Variants in MRPL48 observed in about 807,000 individuals in gnomAD.
The protein encoded by MRPL48 is large ribosomal subunit protein mL48.
Under a neutral mutation model 32.9 loss-of-function variants are expected in MRPL48, and 16 were observed. That is an observed-to-expected ratio of 0.49 (90% CI 0.33 to 0.74). The LOEUF is 0.74. Ranked by LOEUF, MRPL48 falls within the 30% of genes least tolerant of loss-of-function variation. MRPL48 has a pLI of 0.02. For missense variants in MRPL48, 206 were observed against 245.3 expected, an observed-to-expected ratio of 0.84 and a Z score of 1.07; for synonymous variants, 94 against 89.2, an observed-to-expected ratio of 1.05 and a Z score of -0.31.
At chr11:73,800,273 A>G (rs1045953125) in intron 1 of MRPL48, among the ~76,000 whole-genome samples, 7 of 152,166 alleles carry the variant, frequency 4.6e-5, no homozygotes, top group African/African-American at 7.2e-5. Context: ...GACAAATAGT[A>G]TGCGTAAAGT....
chr11:73,798,243 A>G (rs1266572885), intron 1 of MRPL48, among the ~76,000 whole-genome samples: 4 of 152,042 alleles, frequency 2.6e-5, no homozygotes, highest in African/African-American at 9.7e-5. Context: ...GTGCCTGGCT[A>G]ATTTTTGTAT....
At chr11:73,800,216 T>C (rs936111741) in intron 1 of MRPL48, among the ~76,000 whole-genome samples, 1 of 151,366 alleles carries the variant, frequency 6.6e-6, no homozygotes, top group Non-Finnish European at 1.5e-5. Context: ...CGAGACAGCA[T>C]GGGCAATATA....
chr11:73,825,908 C>A, intron 4 of MRPL48, 112 bp downstream of exon 4: 1 of 896,028 alleles, frequency 1.1e-6, no homozygotes, highest in Non-Finnish European at 1.6e-6. Context: ...GATAAAGTTG[C>A]CTCTCAATCC....
intron 2 of MRPL48, 21 bp from the exon 3 acceptor site, chr11:73,808,292 A>G (rs368594846): frequency 6.3e-6 from 10 of 1,595,224 alleles, no homozygotes; most frequent in Non-Finnish European, 8.6e-6. Context: ...TGTATTGAAC[A>G]TACTTTCTCC....
rs758120952 is a variant in MRPL48, at chr11:73,844,809, CAAG to C, written c.214_216del (p.Lys72del). The C allele has an allele frequency of 1.1e-5, 18 of 1,611,030 alleles. No homozygotes were observed. In the South Asian group the frequency reaches 1.2e-4, roughly 11 times the overall value. ...TTCTCTCTTTGTTTTCTCTTCAGCC[CAAG>C]AAGAAGAAGGGAAAAGTGGAAGTGA... On this transcript the variant is annotated inframe_deletion, in exon 5 of 8. Transcript: ENST00000310614.
In MRPL48 at chr11:73,864,715, G is replaced by C. The variant is rs956087276; in HGVS notation, c.*345G>C. 7 of 259,250 alleles carry C rather than the reference G, an allele frequency of 2.7e-5. 1 individual carries two copies. Among genetic ancestry groups the C allele is most frequent in the African/African-American group, 1.3e-4 (6 of 46,160 alleles). 16.1% of individuals were successfully genotyped at this position (259,250 alleles called of 1,614,324 possible). On this transcript the variant is annotated 3_prime_UTR_variant, in exon 8 of 8. Coordinates refer to ENST00000310614, the MANE Select transcript of MRPL48 (RefSeq NM_016055.6). ...TGCATCCCTGTAATCCCAGCACTTTGCGAGGCCGAGGCAGGAGGACTGCTC... is the reference window on the plus strand; with the variant it reads ...TGCATCCCTGTAATCCCAGCACTTTCCGAGGCCGAGGCAGGAGGACTGCTC...
intron 6 of MRPL48, among the ~76,000 whole-genome samples, chr11:73,861,358 G>GTT (rs139908562): frequency 3.3e-5 from 5 of 150,602 alleles, no homozygotes; most frequent in African/African-American, 1.2e-4. Flanking sequence ...GAGCTAGTTT[G>GTT]TTTTTTTTTG....
chr11:73,803,386 C>T (rs1458772891), intron 1 of MRPL48, among the ~76,000 whole-genome samples: 1 of 152,110 alleles, frequency 6.6e-6, no homozygotes, highest in Non-Finnish European at 1.5e-5. Flanking sequence ...CTGCCTCAGC[C>T]TCCTCAAGTA....
intron 6 of MRPL48, 80 bp downstream of exon 6, chr11:73,860,089 C>A: frequency 8.3e-7 from 1 of 1,205,602 alleles, no homozygotes; most frequent in South Asian, 1.4e-5. Flanking sequence ...TTCTATTATG[C>A]TCTTTTCTTT....
chr11:73,859,986 A>G lies in MRPL48; in HGVS notation c.451A>G (p.Thr151Ala). 1.2e-6 allele frequency: 2 copies of G among 1,613,754 alleles called. No homozygotes were observed. Among genetic ancestry groups the G allele is most frequent in the Non-Finnish European group, 1.7e-6 (2 of 1,179,804 alleles). ...CAAAATGCTCCTGGACTCAGTGCTT[A>G]CCACCCATGAGCGAGTGGTTCAGGT... ...GSKMLLDSVLTTHERVVQISG... is the reference protein window; with the variant it reads ...GSKMLLDSVLATHERVVQISG... The change falls in exon 6 of 8, where the codon ACC (threonine) becomes GCC (alanine). Residue 151 changes from threonine to alanine, a missense_variant. Thr to Ala is a moderately conservative substitution (Grantham distance 58). Transcript: ENST00000310614.
Position 73,859,674 on chromosome 11 carries a change from G to T in MRPL48, c.372-233G>T, listed in dbSNP as rs879580161. Among the ~76,000 whole-genome samples, 3 of 150,248 alleles carry T rather than the reference G, an allele frequency of 2.0e-5. No homozygotes were observed. Among genetic ancestry groups the T allele is most frequent in the East Asian group, 1.9e-4 (1 of 5,152 alleles). On this transcript the variant is annotated intron_variant, in intron 5 of 7. Transcript: ENST00000310614. ...ATTCGGAGTATTGTATTTTTTTTTTGGAGTATTAAGTATGATTAGAGATGC... is the reference window on the plus strand; with the variant it reads ...ATTCGGAGTATTGTATTTTTTTTTTTGAGTATTAAGTATGATTAGAGATGC...
At chr11:73,809,505 A>G (rs1475318354) in intron 3 of MRPL48, among the ~76,000 whole-genome samples, 1 of 73,062 alleles carries the variant, frequency 1.4e-5, no homozygotes, top group African/African-American at 7.6e-5. Context: ...CTCCGTCTCA[A>G]AAAAAAAAAA....
chr11:73,859,219 A>G lies in MRPL48; in HGVS notation c.372-688A>G, dbSNP rs1349544163. Reference sequence around the variant, plus strand: ...TTTCTCCAGAACAGATTAAATACCCAAGGTTAGCCTCCAAAGCATACCTAG... The same window carrying G: ...TTTCTCCAGAACAGATTAAATACCCGAGGTTAGCCTCCAAAGCATACCTAG... On this transcript the variant is annotated intron_variant, in intron 5 of 7. Transcript: ENST00000310614. 2.0e-5 allele frequency among the ~76,000 whole-genome samples: 3 copies of G among 152,032 alleles called. No individual in the cohort carries two copies. In the South Asian group the frequency reaches 6.2e-4, roughly 32 times the overall value.
At chr11:73,830,004 C>T (rs1477190546) in intron 4 of MRPL48, among the ~76,000 whole-genome samples, 2 of 152,106 alleles carry the variant, frequency 1.3e-5, no homozygotes, top group African/African-American at 2.4e-5. Context: ...TTAAGTGATC[C>T]GTCTGCCTCA....
intron 4 of MRPL48, among the ~76,000 whole-genome samples, chr11:73,844,200 C>A (rs761665612): frequency 6.6e-6 from 1 of 151,810 alleles, no homozygotes; most frequent in Admixed American, 6.6e-5. Context: ...GAGGCCGAGG[C>A]GGGTGGATTG....
Position 73,859,968 on chromosome 11 carries a change from C to G in MRPL48, c.433C>G (p.Leu145Val). 6.2e-7 allele frequency: 1 copy of G among 1,613,888 alleles called. No individual in the cohort carries two copies. Among genetic ancestry groups the G allele is most frequent in the Non-Finnish European group, 8.5e-7 (1 of 1,179,862 alleles). ...GTTGCAGGACCAAGGCAGCAAAATGCTCCTGGACTCAGTGCTTACCACCCA... is the reference window on the plus strand; with the variant it reads ...GTTGCAGGACCAAGGCAGCAAAATGGTCCTGGACTCAGTGCTTACCACCCA... Reference protein sequence around the residue: ...LQLQDQGSKMLLDSVLTTHER... With the variant: ...LQLQDQGSKMVLDSVLTTHER... Residue 145 changes from leucine to valine, a missense_variant, in exon 6 of 8, where the codon CTC becomes GTC. Coordinates refer to ENST00000310614, the MANE Select transcript of MRPL48 (RefSeq NM_016055.6).
At chr11:73,812,742 T>TATATATA (rs1379687569) in intron 3 of MRPL48, among the ~76,000 whole-genome samples, 8 of 103,074 alleles carry the variant, frequency 7.8e-5, no homozygotes, top group African/African-American at 3.7e-4. Context: ...ATATATATAT[T>TATATATA]TATTTATTTA....
intron 4 of MRPL48, chr11:73,842,301 A>G (rs1199246544): frequency 3.3e-5 from 5 of 152,150 alleles, no homozygotes; most frequent in African/African-American, 1.2e-4. Context: ...TATGCAAGCA[A>G]ATAAGCATGT....
chr11:73,844,737 T>C, intron 4 of MRPL48, 70 bp from the exon 5 acceptor site: 1 of 1,476,676 alleles, frequency 6.8e-7, no homozygotes, highest in Non-Finnish European at 9.1e-7. Flanking sequence ...CTTTTTAAAA[T>C]ATCAAGATAG....
Sources: allele counts gnomAD v4.1 joint callset (sites outside exome capture counted in the v4.1 genomes callset), GRCh38; gene constraint gnomAD v4.1.1; transcripts MANE v1.5; gene names NCBI Gene and HGNC (gene_info 2026-07-23, HGNC 2026-07-21).